The following DYNC2I2 variants were observed in gnomAD, a reference collection of about 807,000 sequenced individuals.
The protein encoded by DYNC2I2 is cytoplasmic dynein 2 intermediate chain 2.
In DYNC2I2, 39 loss-of-function variants were observed where a neutral mutation model predicts 52.0. That is an observed-to-expected ratio of 0.75 (90% CI 0.58 to 0.98). The LOEUF is 0.98. Ranked by LOEUF, DYNC2I2 falls within the 50% of genes least tolerant of loss-of-function variation. The pLI, the probability that DYNC2I2 is intolerant of heterozygous loss-of-function variation, is 0.00. For synonymous variants in DYNC2I2, 359 were observed against 321.1 expected, an observed-to-expected ratio of 1.12 and a Z score of -1.26; for missense variants, 743 against 728.4, an observed-to-expected ratio of 1.02 and a Z score of -0.23.
the DYNC2I2 span, among the ~76,000 whole-genome samples, chr9:128,668,423 T>G: frequency 1.3e-5 from 2 of 152,128 alleles, no homozygotes; most frequent in African/African-American, 2.4e-5. Context: ...CTCCTGACCT[T>G]GTGATCCGCC....
intron 1 of DYNC2I2, among the ~76,000 whole-genome samples, chr9:128,654,897 G>T (rs1180626397): frequency 1.3e-5 from 2 of 151,994 alleles, no homozygotes; most frequent in Non-Finnish European, 2.9e-5. Context: ...TTTTGTCCAC[G>T]GCACTATTCA....
chr9:128,680,517 A>C, the DYNC2I2 span, among the ~76,000 whole-genome samples: 12 of 151,414 alleles, frequency 7.9e-5, no homozygotes, highest in Non-Finnish European at 1.6e-4. Flanking sequence ...AGCTGGGACT[A>C]CAGGCGCCCG....
intron 2 of DYNC2I2, among the ~76,000 whole-genome samples, chr9:128,639,962 A>C (rs1367590934): frequency 1.4e-5 from 2 of 145,274 alleles, no homozygotes; most frequent in Non-Finnish European, 3.0e-5. Context: ...CACTGTGCCC[A>C]GCCTCATACA....
chr9:128,634,514 G>T, intron 7 of DYNC2I2, 131 bp from the exon 8 acceptor site: 1 of 1,351,850 alleles, frequency 7.4e-7, no homozygotes. Context: ...CCTGGAGTTG[G>T]TCCTCTCATT....
intron 1 of DYNC2I2, 24 bp from the exon 2 acceptor site, chr9:128,640,963 G>A: frequency 6.4e-7 from 1 of 1,563,598 alleles, no homozygotes; most frequent in Non-Finnish European, 8.7e-7. Context: ...GAAAACAAGT[G>A]TCACCACCCA....
chr9:128,641,130 G>A (rs762067238), intron 1 of DYNC2I2, among the ~76,000 whole-genome samples, 191 bp from the exon 2 acceptor site: 2 of 152,068 alleles, frequency 1.3e-5, no homozygotes, highest in Non-Finnish European at 2.9e-5. Flanking sequence ...ATCAGTGCCA[G>A]CCAATCAGAG....
In DYNC2I2 at chr9:128,636,986, C is replaced by T. The variant is rs186228177; in HGVS notation, c.477G>A (p.Ala159=). The T allele has an allele frequency of 8.4e-5, 136 of 1,613,448 alleles. No homozygotes were observed. The East Asian group carries it at 2.5e-3, about 30-fold the overall frequency. Residue 159 remains alanine (A), a synonymous_variant, in exon 3 of 9, where the codon GCG becomes GCA. Coordinates refer to ENST00000372715, the MANE Select transcript of DYNC2I2 (RefSeq NM_052844.4). Reference sequence around the variant, plus strand: ...AGATGCTGGTCACATGCAGACCCTGCGCTTGGGCTGGCGGGTAGCCCAGGG... The same window carrying T: ...AGATGCTGGTCACATGCAGACCCTGTGCTTGGGCTGGCGGGTAGCCCAGGG... ...LYTLGYPPAQ[A]QGLHVTSISW... is the part of the protein sequence containing the mutation.
At chr9:128,647,798 A>C (rs888931725) in intron 1 of DYNC2I2, among the ~76,000 whole-genome samples, 12 of 151,562 alleles carry the variant, frequency 7.9e-5, no homozygotes, top group African/African-American at 2.7e-4. Flanking sequence ...ATGTAATCAG[A>C]CCAGGACATC....
chr9:128,640,940 C>CT lies in DYNC2I2; in HGVS notation c.187-2dup, dbSNP rs1334186381. 1 of 1,582,144 alleles carries CT rather than the reference C, an allele frequency of 6.3e-7. No homozygotes were observed. On this transcript the variant is annotated splice_acceptor_variant, in intron 1 of 8. Transcript: ENST00000372715. LOFTEE classifies it high-confidence loss of function. ...CAATGCTGGCCGTCTGGCAACTTTT[C>CT]TGGGGGGAGGGTGAAAACAAGTGTC... is the stretch of plus-strand genomic sequence containing the variant.
intron 1 of DYNC2I2, among the ~76,000 whole-genome samples, chr9:128,648,502 AG>A (rs1208579976): frequency 6.6e-6 from 1 of 151,336 alleles, no homozygotes; most frequent in Middle Eastern, 3.2e-3. Context: ...CCAAGCGGGC[AG>A]GGCCAGGCAT....
At chr9:128,668,751 TA>T in the DYNC2I2 span, among the ~76,000 whole-genome samples, 1 of 143,664 alleles carries the variant, frequency 7.0e-6, no homozygotes, top group Non-Finnish European at 1.5e-5. Flanking sequence ...TCCCAGGAGG[TA>T]GAAGTTGCAG....
At chr9:128,648,631 CAA>C (rs71381783) in intron 1 of DYNC2I2, among the ~76,000 whole-genome samples, 10 of 121,306 alleles carry the variant, frequency 8.2e-5, no homozygotes, top group Admixed American at 1.8e-4. Flanking sequence ...ACTAAAAATA[CAA>C]AAAAAAAAAA....
the DYNC2I2 span, among the ~76,000 whole-genome samples, chr9:128,680,906 C>A: frequency 6.6e-6 from 1 of 151,550 alleles, no homozygotes; most frequent in Non-Finnish European, 1.5e-5. Context: ...AAACTCCTGA[C>A]CTCAAGTGAT....
rs776700001 is a variant in DYNC2I2, at chr9:128,634,257, C to T, written c.1341G>A (p.Arg447=). 1.2e-6 allele frequency: 2 copies of T among 1,613,842 alleles called. No homozygotes were observed. Among genetic ancestry groups the T allele is most frequent in the East Asian group, 4.5e-5 (2 of 44,880 alleles). ...CAGAGGCAGCTGCAAAAACCAAGGG[C>T]CGCACTGGGGACCAGCGCACAGCAA... The part of the protein sequence containing the change: ...YLFAVRWSPV[R]PLVFAAASGK... The change falls in exon 8 of 9, where the codon CGG becomes CGA. Residue 447 remains arginine, a synonymous_variant. Transcript: ENST00000372715.
chr9:128,667,276 C>T, the DYNC2I2 span, among the ~76,000 whole-genome samples: 5 of 152,046 alleles, frequency 3.3e-5, no homozygotes, highest in Non-Finnish European at 7.4e-5. Flanking sequence ...GAGAGGATAA[C>T]CTGAGCCCTA....
chr9:128,637,570 G>A (rs1291352570), intron 2 of DYNC2I2, among the ~76,000 whole-genome samples: 4 of 152,150 alleles, frequency 2.6e-5, no homozygotes, highest in Non-Finnish European at 5.9e-5. Flanking sequence ...AGCCTCCCAA[G>A]TAGCTGGGAT....
chr9:128,660,310 C>A (rs960424432), upstream of DYNC2I2, among the ~76,000 whole-genome samples: 1 of 150,806 alleles, frequency 6.6e-6, no homozygotes, highest in Admixed American at 6.6e-5. Context: ...CAAGGTTTCA[C>A]CGTGTTAGCC....
intron 2 of DYNC2I2, among the ~76,000 whole-genome samples, chr9:128,639,481 C>T (rs76439298): frequency 0.054 from 8,258 of 152,152 alleles, 385 homozygotes; most frequent in East Asian, 0.2. Flanking sequence ...TCAGCATTTA[C>T]AGGGTCATGA....
intron 3 of DYNC2I2, 150 bp downstream of exon 3, chr9:128,636,768 G>A: frequency 1.5e-6 from 1 of 673,732 alleles, no homozygotes; most frequent in Non-Finnish European, 2.5e-6. Context: ...TCTGCCACTT[G>A]TTGTCAACCC....
Sources: allele counts gnomAD v4.1 joint callset (sites outside exome capture counted in the v4.1 genomes callset), GRCh38; gene constraint gnomAD v4.1.1; transcripts MANE v1.5; gene names NCBI Gene and HGNC (gene_info 2026-07-23, HGNC 2026-07-21).